The following PDE6H variants were observed in gnomAD, a reference collection of about 807,000 sequenced individuals.
PDE6H encodes the protein phosphodiesterase 6H.
Under a neutral mutation model 9.2 loss-of-function variants are expected in PDE6H, and 11 were observed. That is an observed-to-expected ratio of 1.19 (90% CI 0.75 to 1.97). The LOEUF (loss-of-function observed/expected upper bound fraction) is 1.97. PDE6H is among the 30% of genes most tolerant of loss of function. The pLI is 0.00. For synonymous variants in PDE6H, 36 were observed against 33.6 expected (o/e 1.07, Z -0.25); for missense variants, 98 against 101.5 (o/e 0.97, Z 0.15).
At chr12:14,981,366 G>T (rs760529951) in intron 3 of PDE6H, 34 bp from the exon 4 acceptor site, 18 of 1,389,668 alleles carry the variant, frequency 1.3e-5, no homozygotes, top group Middle Eastern at 1.8e-4. Context: ...TTGGGGTGAG[G>T]TTGGCTTACG....
At position 14,981,681 on chromosome 12, in the gene PDE6H, A is replaced by G; in HGVS notation, c.*205A>G. On this transcript the variant is annotated 3_prime_UTR_variant, in exon 4 of 4. Transcript: ENST00000266395. ...AGCTCAAAATAGTGGATGCATTTCAAACTTGACCACCTTTTCCTACCAGCT... is the reference window on the plus strand; with the variant it reads ...AGCTCAAAATAGTGGATGCATTTCAGACTTGACCACCTTTTCCTACCAGCT... The G allele has an allele frequency of 3.2e-6, 2 of 617,576 alleles. No individual in the cohort carries two copies. Among genetic ancestry groups the G allele is most frequent in the Non-Finnish European group, 5.8e-6 (2 of 343,844 alleles). 38.3% of individuals were successfully genotyped at this position (617,576 alleles called of 1,614,324 possible).
chr12:14,979,161 CT>C lies in PDE6H; in HGVS notation c.135-15del. 1.9e-6 allele frequency: 3 copies of C among 1,588,644 alleles called. No homozygotes were observed. In the South Asian group the frequency reaches 3.3e-5, roughly 18 times the overall value. Reference sequence around the variant, plus strand: ...TTGCTCTAATCTCAGCTAATTTCTCCTTTATTCTTTTCCATAGATTTGGAGA... The same window carrying C: ...TTGCTCTAATCTCAGCTAATTTCTCCTTATTCTTTTCCATAGATTTGGAGA... On this transcript the variant is annotated splice_polypyrimidine_tract_variant and intron_variant, in intron 2 of 3. Transcript: ENST00000266395.
rs191271173 is a variant in PDE6H, at chr12:14,973,203, G to T, written c.-42+117G>T. On this transcript the variant is annotated intron_variant, in intron 1 of 3. Transcript: ENST00000266395. ...AAACATGTTGGACCTGTGGGCCTGG[G>T]CTGTGGCTGGGGATGAAAATGGGAA... 2.0e-5 allele frequency: 3 copies of T among 152,322 alleles called. No homozygotes were observed. The East Asian group carries it at 5.8e-4, about 29-fold the overall frequency. 9.4% of individuals were successfully genotyped at this position (152,322 alleles called of 1,614,324 possible).
rs747154877 is a variant in PDE6H, at chr12:14,977,965, G to A, written c.-41-7G>A. On this transcript the variant is annotated splice_region_variant and splice_polypyrimidine_tract_variant and intron_variant, in intron 1 of 3. Transcript: ENST00000266395. ...GATCTTCTTTTTTTTATCTTTCACTGTCTAAGGAGGCTGAAAGGGAAACAT... is the reference window on the plus strand; with the variant it reads ...GATCTTCTTTTTTTTATCTTTCACTATCTAAGGAGGCTGAAAGGGAAACAT... 1.3e-6 allele frequency: 2 copies of A among 1,593,058 alleles called. No individual in the cohort carries two copies. Among genetic ancestry groups the A allele is most frequent in the Middle Eastern group, 2.0e-4 (1 of 4,994 alleles).
chr12:14,980,602 A>G (rs1864667544), intron 3 of PDE6H, among the ~76,000 whole-genome samples: 1 of 152,226 alleles, frequency 6.6e-6, no homozygotes, highest in Non-Finnish European at 1.5e-5. Flanking sequence ...CATGTTATAA[A>G]GCAAATTTTC....
chr12:14,973,286 G>A (rs565373144), intron 1 of PDE6H, among the ~76,000 whole-genome samples, 200 bp downstream of exon 1: 1 of 152,296 alleles, frequency 6.6e-6, no homozygotes, highest in South Asian at 2.1e-4. Context: ...AAGCAAATAA[G>A]TGAAACTTGA....
intron 2 of PDE6H, among the ~76,000 whole-genome samples, chr12:14,978,495 T>C (rs1864631467): frequency 6.6e-6 from 1 of 152,214 alleles, no homozygotes; most frequent in Non-Finnish European, 1.5e-5. Flanking sequence ...AAATATAGCT[T>C]ATATTTATGT....
chr12:14,974,558 T>A (rs1864564668), intron 1 of PDE6H, among the ~76,000 whole-genome samples: 1 of 152,178 alleles, frequency 6.6e-6, no homozygotes, highest in South Asian at 2.1e-4. Context: ...AACTTCAAAA[T>A]TATGTAAAAA....
chr12:14,976,887 G>A (rs775530055), intron 1 of PDE6H, among the ~76,000 whole-genome samples: 5 of 152,080 alleles, frequency 3.3e-5, no homozygotes, highest in Admixed American at 2.6e-4. Context: ...TAACTCTTAC[G>A]AAAGAAAGGA....
At chr12:14,979,342 C>T (rs1864647026) in intron 3 of PDE6H, 123 bp downstream of exon 3, 1 of 720,698 alleles carries the variant, frequency 1.4e-6, no homozygotes, top group Non-Finnish European at 2.5e-6. Context: ...TCTGTGAAGA[C>T]ATAGAAATGT....
chr12:14,977,539 G>A (rs574946248), intron 1 of PDE6H, among the ~76,000 whole-genome samples: 13 of 152,284 alleles, frequency 8.5e-5, no homozygotes, highest in Middle Eastern at 6.8e-3. Context: ...ATAAATTCAC[G>A]TAGAATGCTT....
Position 14,979,070 on chromosome 12 carries a change from A to G in PDE6H, c.135-109A>G. ...CTAAAGGAGTTTCTCACATACAAAC[A>G]CTTAAACCTCTCCTTCTTCCCCCTT... On this transcript the variant is annotated intron_variant, in intron 2 of 3. Coordinates refer to ENST00000266395, the MANE Select transcript of PDE6H (RefSeq NM_006205.3). 6.6e-6 allele frequency: 5 copies of G among 760,752 alleles called. No homozygotes were observed. The South Asian group carries it at 7.3e-5, about 11-fold the overall frequency. 47.1% of individuals were successfully genotyped at this position (760,752 alleles called of 1,614,324 possible). A position where few individuals can be genotyped will look rare whatever the true frequency, so the allele number is the denominator to read the frequency against.
chr12:14,979,501 G>A lies in PDE6H; in HGVS notation c.175+282G>A, dbSNP rs142711157. On this transcript the variant is annotated intron_variant, in intron 3 of 3. Coordinates refer to ENST00000266395, the MANE Select transcript of PDE6H (RefSeq NM_006205.3). ...ACAATGATAAATTATAGACTTTTAT[G>A]GTAGAAAGATTTTCATAATTCATCT... Among the ~76,000 whole-genome samples, 350 of 152,264 alleles carry A rather than the reference G, an allele frequency of 2.3e-3. 1 individual carries two copies. The highest frequency in any genetic ancestry group is 3.7e-3 in the Non-Finnish European group (255 of 68,010).
rs909209679 is a variant in PDE6H at position 14,976,306 on chromosome 12, C to T, written c.-41-1666C>T. Among the ~76,000 whole-genome samples the T allele has an allele frequency of 3.9e-5, 6 of 152,140 alleles. No individual in the cohort carries two copies. The East Asian group carries it at 5.8e-4, about 15-fold the overall frequency. On this transcript the variant is annotated intron_variant, in intron 1 of 3. Coordinates refer to ENST00000266395, the MANE Select transcript of PDE6H (RefSeq NM_006205.3). ...GGTCCAGGGTCCTGGCCAATCTCAC[C>T]ATCCCTGGTACTGGCAAGGGTAATA...
At chr12:14,978,821 T>C (rs1864636352) in intron 2 of PDE6H, among the ~76,000 whole-genome samples, 1 of 152,262 alleles carries the variant, frequency 6.6e-6, no homozygotes, top group Non-Finnish European at 1.5e-5. Context: ...TGATTTTGAA[T>C]AAGTAAACAA....
chr12:14,973,603 G>A (rs1049735588), intron 1 of PDE6H, among the ~76,000 whole-genome samples: 2 of 152,152 alleles, frequency 1.3e-5, no homozygotes, highest in Admixed American at 1.3e-4. Context: ...GCAGGGTGCT[G>A]GCTGGAATTT....
At position 14,976,028 on chromosome 12, in the gene PDE6H, G is replaced by A. The variant is rs572365530; in HGVS notation, c.-41-1944G>A. On this transcript the variant is annotated intron_variant, in intron 1 of 3. Transcript: ENST00000266395. ...GTAGAGATGGGGTTTCACCGTGTTA[G>A]CCAGGATGGTCTTGATCTCCTGACC... Among the ~76,000 whole-genome samples, 443 of 152,174 alleles carry A rather than the reference G, an allele frequency of 2.9e-3. 1 individual carries two copies. The highest frequency in any genetic ancestry group is 4.5e-3 in the Non-Finnish European group (307 of 67,998).
Position 14,981,735 on chromosome 12 carries a change from TTTTG to T in PDE6H, c.*263_*266del. 1.8e-6 allele frequency: 1 copy of T among 567,516 alleles called. No individual in the cohort carries two copies. The allele number at this position is 567,516 out of a possible 1,614,324, so 35.2% of individuals were successfully genotyped here. The stretch of plus-strand genomic sequence containing the variant: ...TAGAAGTCATCAATATTTCTCTACA[TTTTG>T]TTTATCTGTAAGTCCTTTAAATCTA... On this transcript the variant is annotated 3_prime_UTR_variant, in exon 4 of 4. Coordinates refer to ENST00000266395, the MANE Select transcript of PDE6H (RefSeq NM_006205.3).
At chr12:14,974,467 G>A (rs535646812) in intron 1 of PDE6H, among the ~76,000 whole-genome samples, 2 of 152,324 alleles carry the variant, frequency 1.3e-5, no homozygotes, top group South Asian at 2.1e-4. Context: ...CCTGGCAACT[G>A]TTATGTAACT....
Sources: allele counts gnomAD v4.1 joint callset (sites outside exome capture counted in the v4.1 genomes callset), GRCh38; gene constraint gnomAD v4.1.1; transcripts MANE v1.5; gene names NCBI Gene and HGNC (gene_info 2026-07-23, HGNC 2026-07-21).